ANTXRL: variants seen among roughly 807,000 people sequenced by gnomAD.
The protein encoded by ANTXRL is ANTXR like, also known as anthrax toxin receptor-like.
A neutral mutation model predicts 75.4 loss-of-function variants in ANTXRL; 63 were observed. The observed-to-expected ratio is 0.84, with a 90% CI of 0.68 to 1.03. The LOEUF (loss-of-function observed/expected upper bound fraction) is 1.03, where lower values mean the gene tolerates loss of function less well. Ranked by LOEUF, ANTXRL falls within the 50% of genes least tolerant of loss-of-function variation. The pLI is 0.00. For missense variants in ANTXRL, 797 were observed against 789.4 expected, an observed-to-expected ratio of 1.01 and a Z score of -0.12; for synonymous variants, 335 against 291.3, an observed-to-expected ratio of 1.15 and a Z score of -1.53.
rs782300055 is a variant in ANTXRL at position 46,328,699 on chromosome 10, G to A, written c.1411-900G>A. ...TTTGTTACATCGGTAAATATGTGCC[G>A]TGGTGGTTTGTTGCACCACATTGCC... On this transcript the variant is annotated intron_variant, in intron 16 of 16. Transcript: ENST00000620264. Among the ~76,000 whole-genome samples the A allele has an allele frequency of 7.9e-5, 12 of 151,796 alleles. No homozygotes were observed. In the South Asian group the frequency reaches 8.3e-4, roughly 11 times the overall value.
chr10:46,293,428 G>A (rs556392572), intron 2 of ANTXRL, among the ~76,000 whole-genome samples: 16 of 149,758 alleles, frequency 1.1e-4, no homozygotes, highest in African/African-American at 2.5e-4. Flanking sequence ...GGGTGTGTGC[G>A]TGTATGGGTG....
chr10:46,308,748 T>C (rs541877981), intron 12 of ANTXRL: 46 of 351,952 alleles, frequency 1.3e-4, no homozygotes, highest in South Asian at 1.1e-3. Flanking sequence ...CTGTGGGGGA[T>C]GGACCCGGGT....
upstream of ANTXRL, chr10:46,286,919 C>G (rs1301161588): frequency 3.4e-5 from 12 of 355,052 alleles, no homozygotes; most frequent in East Asian, 6.6e-5. Context: ...TCCTGTGCCT[C>G]CCCCTGATGT....
At chr10:46,287,709 C>A (rs1247497284) in intron 1 of ANTXRL, among the ~76,000 whole-genome samples, 199 bp downstream of exon 1, 1 of 152,136 alleles carries the variant, frequency 6.6e-6, no homozygotes, top group African/African-American at 2.4e-5. Flanking sequence ...GGTGCTTCAT[C>A]TCCTGGATGA....
At chr10:46,293,349 CAT>C (rs1837128670) in intron 2 of ANTXRL, among the ~76,000 whole-genome samples, 1 of 117,498 alleles carries the variant, frequency 8.5e-6, no homozygotes, top group African/African-American at 3.5e-5. Flanking sequence ...TGTGTGCGTG[CAT>C]GTGTGTGCAT....
At chr10:46,316,392 C>G (rs879972980) in intron 16 of ANTXRL, among the ~76,000 whole-genome samples, 4 of 152,094 alleles carry the variant, frequency 2.6e-5, no homozygotes, top group East Asian at 1.9e-4. Context: ...AGAGGCCCTA[C>G]AAAGTTAGGT....
At chr10:46,318,280 G>A (rs991582904) in intron 16 of ANTXRL, among the ~76,000 whole-genome samples, 1 of 152,040 alleles carries the variant, frequency 6.6e-6, no homozygotes, top group African/African-American at 2.4e-5. Flanking sequence ...CTTTACAATA[G>A]CAATAAAAAA....
At chr10:46,300,336 A>G (rs1253232029) in intron 9 of ANTXRL, among the ~76,000 whole-genome samples, 2 of 152,098 alleles carry the variant, frequency 1.3e-5, no homozygotes, top group Non-Finnish European at 2.9e-5. Flanking sequence ...CTGAGAAGCC[A>G]GGAGGTCTCC....
intron 9 of ANTXRL, among the ~76,000 whole-genome samples, chr10:46,299,810 C>G (rs1221690590): frequency 6.6e-6 from 1 of 152,150 alleles, no homozygotes; most frequent in African/African-American, 2.4e-5. Flanking sequence ...GGGACTGGCA[C>G]AGGGCTGGGA....
Position 46,330,061 on chromosome 10 carries a change from C to G in ANTXRL, c.1873C>G (p.Pro625Ala). ...RHTAEPPLSL[P>A]PSEPNF ...CACGGCAGAACCCCCTTTGTCACTCCCCCCCTCAGAGCCCAACTTCTAAGG... is the reference window on the plus strand; with the variant it reads ...CACGGCAGAACCCCCTTTGTCACTCGCCCCCTCAGAGCCCAACTTCTAAGG... The change falls in exon 17 of 17, where the codon CCC (proline) becomes GCC (alanine). Residue 625 changes from proline to alanine, a missense_variant. Physicochemically the swap from Pro to Ala is conservative, Grantham distance 27. Around this residue, in one of 3 missense-constraint regions of ANTXRL, gnomAD observed 479 missense variants for 422.0 expected, o/e 1.14. Transcript: ENST00000620264. 6.6e-7 allele frequency: 1 copy of G among 1,521,022 alleles called. No individual in the cohort carries two copies. Among genetic ancestry groups the G allele is most frequent in the Non-Finnish European group, 8.8e-7 (1 of 1,137,070 alleles). 94.2% of individuals were successfully genotyped at this position (1,521,022 alleles called of 1,614,324 possible). A position where few individuals can be genotyped will look rare whatever the true frequency, so the allele number is the denominator to read the frequency against.
chr10:46,302,892 A>C lies in ANTXRL; in HGVS notation c.895+72A>C, dbSNP rs189028542. ...TGCTGCCTTTCCCCACAGCCAGCCA[A>C]GCCTCCCAGCCCTTGCCAACCATTC... On this transcript the variant is annotated intron_variant, in intron 10 of 16. Coordinates refer to ENST00000620264, the MANE Select transcript of ANTXRL (RefSeq NM_001278688.3). The C allele has an allele frequency of 2.5e-6, 3 of 1,211,654 alleles. No individual in the cohort carries two copies. The East Asian group carries it at 7.6e-5, about 31-fold the overall frequency. 75.1% of individuals were successfully genotyped at this position (1,211,654 alleles called of 1,614,324 possible). A position where few individuals can be genotyped will look rare whatever the true frequency, so the allele number is the denominator to read the frequency against.
At chr10:46,328,981 C>T (rs1432893125) in intron 16 of ANTXRL, among the ~76,000 whole-genome samples, 1 of 152,132 alleles carries the variant, frequency 6.6e-6, no homozygotes, top group Admixed American at 6.5e-5. Context: ...GCATAAGAAG[C>T]CAGCAGAGAG....
At position 46,311,550 on chromosome 10, in the gene ANTXRL, C is replaced by T. The variant is rs782183999; in HGVS notation, c.1214C>T (p.Pro405Leu). ...AAACCACCATCACCACCACCACCGC[C>T]TCCGCCTCCACCACCTCCACTCCCG... ...QEKPPSPPPP[P>L]PPPPPPLPPP... The change falls in exon 15 of 17, where the codon CCT becomes CTT. Residue 405 changes from proline to leucine, a missense_variant. Physicochemically the swap from Pro to Leu is moderately conservative, Grantham distance 98. This residue lies in a region of ANTXRL where 479 missense variants were observed against 422.0 expected (regional missense o/e 1.14). Transcript: ENST00000620264. The T allele has an allele frequency of 5.2e-6, 8 of 1,533,920 alleles. No homozygotes were observed. The South Asian group carries it at 9.5e-5, about 18-fold the overall frequency.
chr10:46,311,080 C>G (rs1239423672), intron 14 of ANTXRL, among the ~76,000 whole-genome samples: 3 of 152,106 alleles, frequency 2.0e-5, no homozygotes, highest in Non-Finnish European at 2.9e-5. Context: ...GGACCCACCC[C>G]AGGGGCCATG....
At chr10:46,320,196 T>C (rs1554965333) in intron 16 of ANTXRL, among the ~76,000 whole-genome samples, 2 of 152,182 alleles carry the variant, frequency 1.3e-5, no homozygotes, top group Non-Finnish European at 2.9e-5. Context: ...GAGAAGCTAG[T>C]TTCTACTGAG....
chr10:46,301,108 C>A (rs1837711117), intron 9 of ANTXRL, among the ~76,000 whole-genome samples: 1 of 152,196 alleles, frequency 6.6e-6, no homozygotes, highest in Non-Finnish European at 1.5e-5. Flanking sequence ...TTTGGGGCAG[C>A]ACTCAGCCCT....
chr10:46,301,951 C>T (rs1837774708), intron 9 of ANTXRL, among the ~76,000 whole-genome samples: 6 of 152,284 alleles, frequency 3.9e-5, no homozygotes, highest in South Asian at 2.1e-4. Flanking sequence ...TGGGTCCAGC[C>T]GTCACCTGCA....
rs17769501 is a variant in ANTXRL, at chr10:46,311,882, G to A, written c.1329+217G>A. On this transcript the variant is annotated intron_variant, in intron 15 of 16. Coordinates refer to ENST00000620264, the MANE Select transcript of ANTXRL (RefSeq NM_001278688.3). ...GAGGGCTCCTGTCCCCTGCACCACC[G>A]GGTCTGTCCCCACACATTGAACTCC... Among the ~76,000 whole-genome samples, 23,508 of 147,376 alleles carry A rather than the reference G, an allele frequency of 0.16. 1,676 individuals carry two copies. The highest frequency in any genetic ancestry group is 0.2 in the Middle Eastern group (56 of 280).
intron 10 of ANTXRL, among the ~76,000 whole-genome samples, chr10:46,304,342 A>G (rs1837942575): frequency 6.6e-6 from 1 of 152,176 alleles, no homozygotes; most frequent in Non-Finnish European, 1.5e-5. Flanking sequence ...TGTGTGCCAT[A>G]GTAATGTGCA....
Sources: allele counts gnomAD v4.1 joint callset (sites outside exome capture counted in the v4.1 genomes callset), GRCh38; gene constraint gnomAD v4.1.1; regional missense constraint gnomAD v4.1.1; transcripts MANE v1.5; gene names NCBI Gene and HGNC (gene_info 2026-07-23, HGNC 2026-07-21).